Variants in OLAH observed in about 807,000 individuals in gnomAD.
OLAH encodes the protein oleoyl-ACP hydrolase, also known as S-acyl fatty acid synthase thioesterase, medium chain.
In OLAH, 33 loss-of-function variants were observed where a neutral mutation model predicts 27.8. The ratio of observed to expected loss-of-function variants is 1.19; its 90% CI spans 0.90 to 1.59. OLAH has a LOEUF of 1.59. Ranked by LOEUF, OLAH falls within the 40% of genes most tolerant of loss-of-function variation. The pLI, the probability that OLAH is intolerant of heterozygous loss-of-function variation, is 0.00. For synonymous variants in OLAH, 120 were observed against 102.9 expected, an observed-to-expected ratio of 1.17 and a Z score of -1.01; for missense variants, 359 against 310.8, an observed-to-expected ratio of 1.16 and a Z score of -1.17.
chr10:15,052,169 G>C (rs1272921550), intron 3 of OLAH, among the ~76,000 whole-genome samples: 1 of 152,130 alleles, frequency 6.6e-6, no homozygotes, highest in Non-Finnish European at 1.5e-5. Flanking sequence ...TATAATCCCA[G>C]CTACTCGGGA....
At chr10:15,052,729 CTTT>C (rs1366770171) in intron 3 of OLAH, among the ~76,000 whole-genome samples, 4 of 130,848 alleles carry the variant, frequency 3.1e-5, no homozygotes, top group African/African-American at 2.8e-5. Context: ...GAGGGCTTTT[CTTT>C]TTTTTTTTTT....
At chr10:15,067,244 A>T (rs1490871367) in intron 6 of OLAH, among the ~76,000 whole-genome samples, 3 of 152,206 alleles carry the variant, frequency 2.0e-5, no homozygotes, top group African/African-American at 7.2e-5. Flanking sequence ...CTGGCTTTTA[A>T]TAATTAAGCC....
chr10:15,037,905 G>A (rs967396797), intron 1 of OLAH, among the ~76,000 whole-genome samples: 12 of 152,338 alleles, frequency 7.9e-5, no homozygotes, highest in Middle Eastern at 3.4e-3. Flanking sequence ...CCAACACAAA[G>A]AGCCACAGGC....
chr10:15,034,784 A>G (rs1589232832), intron 1 of OLAH, among the ~76,000 whole-genome samples: 1 of 142,694 alleles, frequency 7.0e-6, no homozygotes, highest in South Asian at 2.3e-4. Flanking sequence ...GACAGTTTTC[A>G]TTTTTTCTTT....
rs563726021 is a variant in OLAH at position 15,055,359 on chromosome 10, T to C, written c.163+5594T>C. Reference sequence around the variant, plus strand: ...TTTGTGTGGGTGGGGGTTCTGTAATTCTGGTTCTTTGATATTTTCATGTTT... The same window carrying C: ...TTTGTGTGGGTGGGGGTTCTGTAATCCTGGTTCTTTGATATTTTCATGTTT... On this transcript the variant is annotated intron_variant, in intron 3 of 7. Coordinates refer to ENST00000378228, the MANE Select transcript of OLAH (RefSeq NM_001039702.3). 9.2e-5 allele frequency among the ~76,000 whole-genome samples: 14 copies of C among 152,246 alleles called. No individual in the cohort carries two copies. In the South Asian group the frequency reaches 2.7e-3, roughly 29 times the overall value.
upstream of OLAH, among the ~76,000 whole-genome samples, chr10:15,040,042 A>G (rs529520389): frequency 6.6e-6 from 1 of 152,116 alleles, no homozygotes; most frequent in East Asian, 1.9e-4. Flanking sequence ...TCACCTTTCC[A>G]TTGCAGCCAT....
At chr10:15,064,984 C>T (rs1490907547) in intron 5 of OLAH, among the ~76,000 whole-genome samples, 4 of 152,214 alleles carry the variant, frequency 2.6e-5, no homozygotes, top group African/African-American at 9.6e-5. Context: ...GCAAAAACCA[C>T]AATTGATTTT....
chr10:15,034,807 T>A (rs1206820642), intron 1 of OLAH, among the ~76,000 whole-genome samples: 1 of 150,192 alleles, frequency 6.7e-6, no homozygotes, highest in Non-Finnish European at 1.5e-5. Context: ...TTTCTTTCTT[T>A]TTTTTTTTTT....
In OLAH at chr10:15,073,353, C is replaced by T. The variant is rs1844630740; in HGVS notation, c.*124C>T. The T allele has an allele frequency of 4.4e-6, 3 of 681,128 alleles. No homozygotes were observed. The highest frequency in any genetic ancestry group is 4.1e-5 in the South Asian group (2 of 49,120). 42.2% of individuals were successfully genotyped at this position (681,128 alleles called of 1,614,324 possible). On this transcript the variant is annotated 3_prime_UTR_variant, in exon 8 of 8. Transcript: ENST00000378228. ...TTTCTACTGTCAGGGAGATTCGTTA[C>T]ATAAATATATTTACGTATCTGGGGA...
chr10:15,060,244 A>G (rs779887444), intron 3 of OLAH, among the ~76,000 whole-genome samples: 5 of 152,010 alleles, frequency 3.3e-5, no homozygotes, highest in Non-Finnish European at 7.4e-5. Context: ...ATCTTGACTC[A>G]CTGCAACCTC....
chr10:15,064,056 C>T (rs76451094), intron 4 of OLAH, among the ~76,000 whole-genome samples: 63,128 of 151,504 alleles, frequency 0.42, 13,282 homozygotes, highest in East Asian at 0.58. Context: ...CCATTAGGAT[C>T]TCAGAAATTT....
chr10:15,061,372 T>G (rs1034174007), intron 3 of OLAH, among the ~76,000 whole-genome samples: 1 of 152,208 alleles, frequency 6.6e-6, no homozygotes, highest in Non-Finnish European at 1.5e-5. Flanking sequence ...CTCCTGACCC[T>G]CTAGGTCACC....
rs41311224 is a variant in OLAH, at chr10:15,064,516, C to T, written c.402+14C>T. On this transcript the variant is annotated intron_variant, in intron 5 of 7. Transcript: ENST00000378228. ...ACTCCTGTACATGTAAGTAATTTAG[C>T]TTTTTCCTAGGAAGGGCAGTGGAGA... 0.027 allele frequency: 40,351 copies of T among 1,495,832 alleles called. 689 individuals are homozygous for T. The highest frequency in any genetic ancestry group is 0.032 in the Non-Finnish European group (35,492 of 1,101,662). The allele number at this position is 1,495,832 out of a possible 1,614,324, so 92.7% of individuals were successfully genotyped here. A position where few individuals can be genotyped will look rare whatever the true frequency, so the allele number is the denominator to read the frequency against.
chr10:15,063,186 G>C (rs974925989), intron 4 of OLAH, among the ~76,000 whole-genome samples: 3 of 152,170 alleles, frequency 2.0e-5, no homozygotes, highest in African/African-American at 7.2e-5. Flanking sequence ...CAGGGCAGTG[G>C]TGCAATCATG....
At chr10:15,053,683 A>G (rs1435369968) in intron 3 of OLAH, among the ~76,000 whole-genome samples, 1 of 151,540 alleles carries the variant, frequency 6.6e-6, no homozygotes, top group Non-Finnish European at 1.5e-5. Context: ...AGTGTACTTC[A>G]CACTTCACTT....
At chr10:15,054,225 G>C (rs1479886453) in intron 3 of OLAH, among the ~76,000 whole-genome samples, 8 of 151,932 alleles carry the variant, frequency 5.3e-5, no homozygotes. Context: ...ATTTTTAGTA[G>C]AGACAGGATT....
chr10:15,044,754 T>C (rs181949703), intron 1 of OLAH, among the ~76,000 whole-genome samples: 5 of 152,336 alleles, frequency 3.3e-5, no homozygotes, highest in Non-Finnish European at 5.9e-5. Context: ...TACTTGAAGA[T>C]ATCATTCTAT....
intron 3 of OLAH, among the ~76,000 whole-genome samples, chr10:15,060,495 T>C (rs1205882736): frequency 6.6e-6 from 1 of 151,982 alleles, no homozygotes; most frequent in Non-Finnish European, 1.5e-5. Flanking sequence ...GGATAGTTTC[T>C]TTTTCTATGT....
At chr10:15,041,502 T>G (rs993541624), upstream of OLAH, among the ~76,000 whole-genome samples, 2 of 151,932 alleles carry the variant, frequency 1.3e-5, no homozygotes, top group African/African-American at 4.8e-5. Flanking sequence ...GGTCTCAAAC[T>G]CCTGACCTCA....
Sources: gnomAD v4.1 joint callset for allele counts (sites outside exome capture counted in the v4.1 genomes callset) on GRCh38, gnomAD v4.1.1 for gene constraint, MANE v1.5 for transcripts, NCBI Gene and HGNC (gene_info 2026-07-23, HGNC 2026-07-21) for gene names.